AK8: variants seen among roughly 807,000 people sequenced by gnomAD.
AK8 encodes ATP-AMP transphosphorylase 8.
AK8 carries 44 observed loss-of-function variants against 54.6 expected under a neutral mutation model. That is an observed-to-expected ratio of 0.81 (90% CI 0.63 to 1.04). The LOEUF is 1.04. Among genes scored for constraint, AK8 ranks in the 50% least tolerant of loss-of-function variants. The pLI is 0.00. For synonymous variants in AK8, 239 were observed against 245.6 expected (o/e 0.97, Z 0.25); for missense variants, 555 against 613.6 (o/e 0.90, Z 1.01).
chr9:132,814,680 A>G lies in AK8; in HGVS notation c.937T>C (p.Phe313Leu). 6.2e-7 allele frequency: 1 copy of G among 1,614,122 alleles called. No individual in the cohort carries two copies. Among genetic ancestry groups the G allele is most frequent in the Non-Finnish European group, 8.5e-7 (1 of 1,180,028 alleles). ...LKEAVADRTT[F>L]GELIQPFFEK... is the part of the protein sequence containing the mutation. ...AAGAAGGGCTGGATGAGCTCGCCAA[A>G]CGTGGTCCTATCTGCCACAGCCTCT... The change falls in exon 10 of 13, where the codon TTT becomes CTT. Residue 313 changes from phenylalanine to leucine, a missense_variant. By Grantham distance (22) the Phe-to-Leu change is conservative. Coordinates refer to ENST00000298545, the MANE Select transcript of AK8 (RefSeq NM_152572.3).
chr9:132,767,573 T>A (rs1407916845), intron 11 of AK8, among the ~76,000 whole-genome samples: 3 of 152,096 alleles, frequency 2.0e-5, no homozygotes, highest in African/African-American at 7.2e-5. Flanking sequence ...TAAAAATAGA[T>A]CTGTCATGTG....
chr9:132,748,028 G>C (rs1473920505), intron 11 of AK8, among the ~76,000 whole-genome samples: 1 of 151,606 alleles, frequency 6.6e-6, no homozygotes, highest in African/African-American at 2.4e-5. Flanking sequence ...GAACCCAAGA[G>C]GTGGAGGTTG....
chr9:132,849,504 C>A (rs965922321), intron 5 of AK8, among the ~76,000 whole-genome samples: 1 of 152,180 alleles, frequency 6.6e-6, no homozygotes, highest in Admixed American at 6.5e-5. Context: ...TGTCCACCCC[C>A]GATTTAGAAT....
intron 8 of AK8, among the ~76,000 whole-genome samples, chr9:132,825,947 A>T (rs554293391): frequency 6.6e-6 from 1 of 152,362 alleles, no homozygotes; most frequent in Non-Finnish European, 1.5e-5. Context: ...GCATTTTGAG[A>T]TGACTGAAGC....
intron 11 of AK8, among the ~76,000 whole-genome samples, chr9:132,789,597 C>CAAAAAAAAAAAAAAAAAAAA (rs578003731): frequency 1.2e-4 from 7 of 57,546 alleles, no homozygotes; most frequent in East Asian, 6.3e-4. Context: ...ACTCATCTCA[C>CAAAAAAAAAAAAAAAAAAAA]AAAAAAAAAA....
intron 11 of AK8, among the ~76,000 whole-genome samples, chr9:132,751,009 G>A (rs10901209): frequency 0.53 from 79,750 of 151,738 alleles, 24,514 homozygotes; most frequent in East Asian, 0.75. Flanking sequence ...TAAGTGAACC[G>A]ACCCAAGGAG....
intron 11 of AK8, among the ~76,000 whole-genome samples, chr9:132,763,338 A>G (rs1838574605): frequency 6.6e-6 from 1 of 152,254 alleles, no homozygotes; most frequent in African/African-American, 2.4e-5. Context: ...AGATTAAACA[A>G]CATGCTCCTG....
chr9:132,859,047 G>C (rs1447304399), intron 4 of AK8, among the ~76,000 whole-genome samples: 3 of 152,200 alleles, frequency 2.0e-5, no homozygotes, highest in African/African-American at 7.2e-5. Context: ...AGGAAAGGGA[G>C]GGAGAGACTG....
chr9:132,733,330 G>A lies in AK8; in HGVS notation c.1122-5796C>T, dbSNP rs558180289. 2.6e-5 allele frequency among the ~76,000 whole-genome samples: 4 copies of A among 152,198 alleles called. No homozygotes were observed. In the South Asian group the frequency reaches 6.2e-4, roughly 24 times the overall value. On this transcript the variant is annotated intron_variant, in intron 11 of 12. Coordinates refer to ENST00000298545, the MANE Select transcript of AK8 (RefSeq NM_152572.3). Reference sequence around the variant, plus strand: ...AACACGCGGCCCCCCTTGCACCCCCGGTACTGCAAGGCCCAACGGCAACAC... The same window carrying A: ...AACACGCGGCCCCCCTTGCACCCCCAGTACTGCAAGGCCCAACGGCAACAC...
At chr9:132,735,577 G>A (rs2130954272) in intron 11 of AK8, among the ~76,000 whole-genome samples, 1 of 152,234 alleles carries the variant, frequency 6.6e-6, no homozygotes, top group South Asian at 2.1e-4. Flanking sequence ...CATAAAGTAA[G>A]TGTTGGCTAG....
chr9:132,828,702 C>T lies in AK8; in HGVS notation c.427G>A (p.Glu143Lys), dbSNP rs1841982279. The T allele has an allele frequency of 6.2e-7, 1 of 1,612,044 alleles. No homozygotes were observed. Among genetic ancestry groups the T allele is most frequent in the Non-Finnish European group, 8.5e-7 (1 of 1,178,606 alleles). The stretch of plus-strand genomic sequence containing the variant: ...ATCCTCAGAGCCTGCTCACGCGTCT[C>T]AGGGATGCCATCCAGAATCCAGCCC... ...KQGWILDGIP[E>K]TREQALRIQT... The change falls in exon 6 of 13, where the codon GAG (glutamate) becomes AAG (lysine). Residue 143 changes from glutamate to lysine, a missense_variant. Coordinates refer to ENST00000298545, the MANE Select transcript of AK8 (RefSeq NM_152572.3).
At chr9:132,878,354 C>A (rs1445002589), upstream of AK8, 1 of 1,257,182 alleles carries the variant, frequency 8.0e-7, no homozygotes, top group Non-Finnish European at 1.0e-6. This position sits in a 1 kb window ranked among gnomAD's most constrained non-coding sequence, Gnocchi z 4.7. Context: ...CTGCAGGCTC[C>A]GCGCCGGGCC....
intron 5 of AK8, among the ~76,000 whole-genome samples, chr9:132,833,025 C>A (rs1842170051): frequency 6.6e-6 from 1 of 152,156 alleles, no homozygotes; most frequent in Non-Finnish European, 1.5e-5. Flanking sequence ...ATTAGAGCCA[C>A]CCCCCACTGT....
In AK8 at chr9:132,828,597, C is replaced by T. The variant is rs925455084; in HGVS notation, c.484+48G>A. 4.5e-6 allele frequency: 7 copies of T among 1,565,866 alleles called. No homozygotes were observed. In the African/African-American group the frequency reaches 9.5e-5, roughly 21 times the overall value. On this transcript the variant is annotated intron_variant, in intron 6 of 12. Coordinates refer to ENST00000298545, the MANE Select transcript of AK8 (RefSeq NM_152572.3). ...TGAGCGGGGCGCTCACTGGCCACCC[C>T]TTGGGGCTGCAGCTCTGGCAGGTGG... is the stretch of plus-strand genomic sequence containing the variant.
intron 5 of AK8, among the ~76,000 whole-genome samples, chr9:132,848,119 A>C: frequency 8.9e-6 from 1 of 112,978 alleles, no homozygotes; most frequent in Non-Finnish European, 1.9e-5. Flanking sequence ...CTGTTTCAAA[A>C]AAAAAAAAAA....
At position 132,837,841 on chromosome 9, in the gene AK8, G is replaced by A. The variant is rs1170079419; in HGVS notation, c.403-9115C>T. Reference sequence around the variant, plus strand: ...TGTGCTGTGCCCGGCACCTCACCAAGCCCTCAGAAGCCCTGCCTCGCCGTG... The same window carrying A: ...TGTGCTGTGCCCGGCACCTCACCAAACCCTCAGAAGCCCTGCCTCGCCGTG... On this transcript the variant is annotated intron_variant, in intron 5 of 12. Coordinates refer to ENST00000298545, the MANE Select transcript of AK8 (RefSeq NM_152572.3). This position sits in a 1 kb window ranked among gnomAD's most constrained non-coding sequence, Gnocchi z 4.3. Among the ~76,000 whole-genome samples the A allele has an allele frequency of 1.3e-5, 2 of 152,190 alleles. No individual in the cohort carries two copies. Among genetic ancestry groups the A allele is most frequent in the East Asian group, 3.9e-4 (2 of 5,186 alleles).
chr9:132,824,864 C>T (rs571091715), intron 8 of AK8, among the ~76,000 whole-genome samples: 4 of 152,274 alleles, frequency 2.6e-5, no homozygotes, highest in Non-Finnish European at 4.4e-5. Flanking sequence ...CTAATTGCTA[C>T]GACAAATACT....
chr9:132,868,686 T>C (rs969406764), intron 2 of AK8, among the ~76,000 whole-genome samples: 6 of 152,156 alleles, frequency 3.9e-5, no homozygotes, highest in African/African-American at 1.4e-4. Context: ...CCGAGTCTTA[T>C]CCTCCTGGAT....
At chr9:132,866,072 C>G (rs1476618091) in intron 3 of AK8, among the ~76,000 whole-genome samples, 2 of 151,920 alleles carry the variant, frequency 1.3e-5, no homozygotes, top group Admixed American at 1.3e-4. Flanking sequence ...GTGGTGCATG[C>G]CTGTAGTCCC....
Sources: gnomAD v4.1 joint callset for allele counts (sites outside exome capture counted in the v4.1 genomes callset) on GRCh38, gnomAD v4.1.1 for gene constraint, Gnocchi (gnomAD v3.1) non-coding constraint, MANE v1.5 for transcripts, NCBI Gene and HGNC (gene_info 2026-07-23, HGNC 2026-07-21) for gene names.